Variants in GALNT6 observed in about 807,000 individuals in gnomAD.
GALNT6 encodes GalNAc transferase 6.
A neutral mutation model predicts 65.9 loss-of-function variants in GALNT6; 51 were observed. The observed-to-expected ratio is 0.77, with a 90% CI of 0.62 to 0.98. GALNT6 has a LOEUF of 0.98. GALNT6 is among the 50% of genes least tolerant of loss of function. The pLI is 0.00. For synonymous variants in GALNT6, 323 were observed against 315.1 expected, an observed-to-expected ratio of 1.02 and a Z score of -0.26; for missense variants, 708 against 803.3, an observed-to-expected ratio of 0.88 and a Z score of 1.43.
At position 51,359,182 on chromosome 12, in the gene GALNT6, T is replaced by C. The variant is rs760870189; in HGVS notation, c.1318A>G (p.Lys440Glu). 1.2e-5 allele frequency: 19 copies of C among 1,614,086 alleles called. No homozygotes were observed. Among genetic ancestry groups the C allele is most frequent in the Non-Finnish European group, 1.6e-5 (19 of 1,180,022 alleles). ...RLAEVWMDSY[K>E]KIFYRRNLQA... ...AGATTTCTCCTATAGAAAATCTTCT[T>C]GTAGCTGTCCATCCAGACCTCTGCC... The change falls in exon 8 of 12, where the codon AAG becomes GAG. Residue 440 changes from lysine (K) to glutamate (E), a missense_variant. Transcript: ENST00000356317.
chr12:51,357,999 T>C (rs941780345), intron 9 of GALNT6, 131 bp downstream of exon 9: 1 of 873,472 alleles, frequency 1.1e-6, no homozygotes, highest in African/African-American at 1.7e-5. Flanking sequence ...CTCTCAGTCC[T>C]CCTCCTGGAT....
intron 2 of GALNT6, among the ~76,000 whole-genome samples, chr12:51,381,543 A>G (rs982123317): frequency 1.3e-5 from 2 of 152,190 alleles, no homozygotes; most frequent in Non-Finnish European, 2.9e-5. Context: ...TGTTACAAGG[A>G]TTATGCTCCT....
intron 8 of GALNT6, among the ~76,000 whole-genome samples, chr12:51,358,806 T>C (rs564457840): frequency 6.6e-6 from 1 of 152,312 alleles, no homozygotes; most frequent in African/African-American, 2.4e-5. Context: ...CAGACAATTA[T>C]GTCCCACTCC....
intron 2 of GALNT6, among the ~76,000 whole-genome samples, chr12:51,381,358 G>A (rs1212202172): frequency 6.6e-6 from 1 of 152,246 alleles, no homozygotes; most frequent in Non-Finnish European, 1.5e-5. Context: ...GCGTTCACCA[G>A]GCTCCACCCC....
chr12:51,359,418 AC>A, intron 7 of GALNT6, 86 bp from the exon 8 acceptor site: 1 of 902,612 alleles, frequency 1.1e-6, no homozygotes, highest in Non-Finnish European at 1.7e-6. Flanking sequence ...TTCCCAGAGC[AC>A]CAGACCCCAG....
chr12:51,359,129 C>T lies in GALNT6; in HGVS notation c.1368+3G>A. 2 of 1,611,230 alleles carry T rather than the reference C, an allele frequency of 1.2e-6. No individual in the cohort carries two copies. Among genetic ancestry groups the T allele is most frequent in the South Asian group, 1.1e-5 (1 of 91,014 alleles). On this transcript the variant is annotated splice_donor_region_variant and intron_variant, in intron 8 of 11. Coordinates refer to ENST00000356317, the MANE Select transcript of GALNT6 (RefSeq NM_007210.4). ...AACCTCTCCGAGAACCATTTCCTCT[C>T]ACCTCTTGGGCCATCTTTGCTGCCT... is the stretch of plus-strand genomic sequence containing the variant.
chr12:51,356,078 C>G, intron 10 of GALNT6, 120 bp from the exon 11 acceptor site: 1 of 803,338 alleles, frequency 1.2e-6, no homozygotes. Context: ...GAGGCCATGC[C>G]AAGACTTTAC....
intron 2 of GALNT6, among the ~76,000 whole-genome samples, chr12:51,383,866 G>A (rs1333024682): frequency 1.3e-5 from 2 of 152,118 alleles, no homozygotes; most frequent in Non-Finnish European, 2.9e-5. Context: ...CCCTGTGTAG[G>A]AGATGATTCC....
chr12:51,367,998 G>T (rs1412629483), intron 4 of GALNT6, among the ~76,000 whole-genome samples: 1 of 152,062 alleles, frequency 6.6e-6, no homozygotes, highest in Non-Finnish European at 1.5e-5. Flanking sequence ...TCTCCCTCCA[G>T]GGGAAGTGAG....
chr12:51,384,638 G>A (rs1353595172), intron 2 of GALNT6, among the ~76,000 whole-genome samples: 1 of 136,178 alleles, frequency 7.3e-6, no homozygotes, highest in Non-Finnish European at 1.5e-5. Context: ...GTTGCAGTAA[G>A]CAGAAATAGC....
At chr12:51,356,963 G>C (rs1477997640) in intron 10 of GALNT6, among the ~76,000 whole-genome samples, 2 of 152,076 alleles carry the variant, frequency 1.3e-5, no homozygotes, top group African/African-American at 4.8e-5. Context: ...ACCTAGTTTT[G>C]GGGTCACTGG....
rs1159277718 is a variant in GALNT6 at position 51,352,119 on chromosome 12, G to C, written c.*2260C>G. On this transcript the variant is annotated 3_prime_UTR_variant, in exon 12 of 12. Coordinates refer to ENST00000356317, the MANE Select transcript of GALNT6 (RefSeq NM_007210.4). ...TAGCACCCTCATCTGGTGACATCCTGCTACTGACAGTCAAAAGAAGCCTTC... is the reference window on the plus strand; with the variant it reads ...TAGCACCCTCATCTGGTGACATCCTCCTACTGACAGTCAAAAGAAGCCTTC... 4 of 152,262 alleles carry C rather than the reference G, an allele frequency of 2.6e-5. No homozygotes were observed. Among genetic ancestry groups the C allele is most frequent in the African/African-American group, 9.6e-5 (4 of 41,454 alleles). 9.4% of individuals were successfully genotyped at this position (152,262 alleles called of 1,614,324 possible).
rs766982673 is a variant in GALNT6, at chr12:51,358,115, G to T, written c.1500+15C>A. 2 of 1,610,622 alleles carry T rather than the reference G, an allele frequency of 1.2e-6. No homozygotes were observed. The highest frequency in any genetic ancestry group is 4.5e-5 in the East Asian group (2 of 44,760). On this transcript the variant is annotated intron_variant, in intron 9 of 11. Transcript: ENST00000356317. ...GCTGTGGTGATGGGCAGGCAGGTTG[G>T]TTCTCAAGACTTACGGCACCATAGA...
intron 4 of GALNT6, among the ~76,000 whole-genome samples, chr12:51,370,199 G>A (rs547710331): frequency 5.8e-4 from 89 of 152,300 alleles, no homozygotes; most frequent in African/African-American, 2.1e-3. Flanking sequence ...GCGAATGAAC[G>A]GACAAACAAA....
chr12:51,380,034 T>C (rs1030569222), intron 2 of GALNT6, 150 bp from the exon 3 acceptor site: 14 of 531,278 alleles, frequency 2.6e-5, no homozygotes, highest in Non-Finnish European at 4.4e-5. Context: ...CCTTCATCCA[T>C]AAAATGAGGA....
intron 4 of GALNT6, among the ~76,000 whole-genome samples, chr12:51,368,697 C>T (rs568025963): frequency 2.0e-4 from 30 of 151,750 alleles, no homozygotes; most frequent in Admixed American, 9.8e-4. Flanking sequence ...TGAGCCACTA[C>T]GCCCCGCCCA....
At chr12:51,363,082 A>G (rs930076164) in intron 6 of GALNT6, among the ~76,000 whole-genome samples, 3 of 151,990 alleles carry the variant, frequency 2.0e-5, no homozygotes, top group African/African-American at 7.3e-5. Context: ...CTTCCCTCTT[A>G]TCTCTGGCTA....
At chr12:51,378,208 G>A (rs1947525863) in intron 3 of GALNT6, among the ~76,000 whole-genome samples, 1 of 152,134 alleles carries the variant, frequency 6.6e-6, no homozygotes, top group Admixed American at 6.5e-5. Flanking sequence ...AGGCTGGAGT[G>A]CAGTGGTATG....
intron 1 of GALNT6, 174 bp downstream of exon 1, chr12:51,391,113 C>T (rs1948075914): frequency 6.6e-6 from 1 of 152,454 alleles, no homozygotes; most frequent in Non-Finnish European, 1.5e-5. Context: ...TTGCTGTCCC[C>T]TTCTGCTCAG....
Sources: allele counts gnomAD v4.1 joint callset (sites outside exome capture counted in the v4.1 genomes callset), GRCh38; gene constraint gnomAD v4.1.1; transcripts MANE v1.5; gene names NCBI Gene and HGNC (gene_info 2026-07-23, HGNC 2026-07-21).